RSPO4: variants seen among roughly 807,000 people sequenced by gnomAD.
The protein encoded by RSPO4 is R-spondin-4.
In RSPO4, 23 loss-of-function variants were observed where a neutral mutation model predicts 24.8. The ratio of observed to expected loss-of-function variants is 0.93; its 90% CI spans 0.67 to 1.31. The LOEUF (loss-of-function observed/expected upper bound fraction) is 1.31. Ranked by LOEUF, RSPO4 falls within the 40% of genes most tolerant of loss-of-function variation. The pLI is 0.00. For synonymous variants in RSPO4, 141 were observed against 127.4 expected, an observed-to-expected ratio of 1.11 and a Z score of -0.72; for missense variants, 333 against 316.5, an observed-to-expected ratio of 1.05 and a Z score of -0.39.
intron 1 of RSPO4, among the ~76,000 whole-genome samples, chr20:998,468 T>G (rs1392283368): frequency 6.6e-6 from 1 of 152,238 alleles, no homozygotes; most frequent in Non-Finnish European, 1.5e-5. Context: ...TTCTCAAGTC[T>G]TTTACTTCAT....
At chr20:962,142 C>T (rs1984018669) in intron 4 of RSPO4, among the ~76,000 whole-genome samples, 1 of 152,212 alleles carries the variant, frequency 6.6e-6, no homozygotes, top group African/African-American at 2.4e-5. Flanking sequence ...CCCTTGCCGT[C>T]ACTGGAGATC....
chr20:976,366 G>A (rs1256321161), intron 1 of RSPO4, among the ~76,000 whole-genome samples: 4 of 152,212 alleles, frequency 2.6e-5, no homozygotes, highest in African/African-American at 9.6e-5. Flanking sequence ...CCTCTGGATG[G>A]TGAAGTGCTC....
intron 1 of RSPO4, among the ~76,000 whole-genome samples, chr20:994,206 A>G (rs905808803): frequency 2.0e-5 from 3 of 152,216 alleles, no homozygotes; most frequent in African/African-American, 7.2e-5. Context: ...CTTTGATGCC[A>G]ATGAAAGTTA....
intron 1 of RSPO4, among the ~76,000 whole-genome samples, chr20:982,311 T>C (rs1984762393): frequency 6.6e-6 from 1 of 152,220 alleles, no homozygotes; most frequent in African/African-American, 2.4e-5. Context: ...CTGTCTTGTG[T>C]GTGAAGGTGT....
At chr20:1,001,960 G>C in intron 1 of RSPO4, 126 bp downstream of exon 1, 1 of 736,760 alleles carries the variant, frequency 1.4e-6, no homozygotes, top group South Asian at 1.6e-5. Context: ...GACTCGTCTG[G>C]AGGAGCGAAG....
At chr20:992,267 T>C (rs918840242) in intron 1 of RSPO4, among the ~76,000 whole-genome samples, 16 of 142,612 alleles carry the variant, frequency 1.1e-4, no homozygotes, top group Admixed American at 2.0e-4. Context: ...CACTTTCTTT[T>C]TTTTTTTTTT....
rs6118506 is a variant in RSPO4, at chr20:986,487, A to G, written c.79+15599T>C. On this transcript the variant is annotated intron_variant, in intron 1 of 4. Coordinates refer to ENST00000217260, the MANE Select transcript of RSPO4 (RefSeq NM_001029871.4). Reference sequence around the variant, plus strand: ...AGTGGAGTCAGAAGCTGAGTCAGGCAGTGATGGGGAAGCAGTGATGGGAAA... The same window carrying G: ...AGTGGAGTCAGAAGCTGAGTCAGGCGGTGATGGGGAAGCAGTGATGGGAAA... Among the ~76,000 whole-genome samples, 866 of 152,222 alleles carry G rather than the reference A, an allele frequency of 5.7e-3. 14 individuals carry two copies. The highest frequency in any genetic ancestry group is 0.02 in the African/African-American group (831 of 41,530).
chr20:971,161 A>T (rs1984394049), intron 1 of RSPO4, among the ~76,000 whole-genome samples: 1 of 152,250 alleles, frequency 6.6e-6, no homozygotes, highest in Admixed American at 6.5e-5. Flanking sequence ...TTCTAAATGT[A>T]ACAATTTAGC....
rs759136246 is a variant in RSPO4 at position 964,022 on chromosome 20, C to A, written c.508G>T (p.Ala170Ser). 3 of 1,613,806 alleles carry A rather than the reference C, an allele frequency of 1.9e-6. No individual in the cohort carries two copies. The highest frequency in any genetic ancestry group is 2.2e-5 in the South Asian group (2 of 91,080). ...AWGLESRVRE[A>S]GRAGHEEAAT... ...GCCTCCTCATGCCCAGCCCGGCCAG[C>A]CTCTCGTACCCGGCTCTCCAGGCCC... Residue 170 changes from alanine to serine, a missense_variant, in exon 4 of 5, where the codon GCT becomes TCT. Coordinates refer to ENST00000217260, the MANE Select transcript of RSPO4 (RefSeq NM_001029871.4).
At position 970,154 on chromosome 20, in the gene RSPO4, A is replaced by G. The variant is rs1984362954; in HGVS notation, c.80-2016T>C. Among the ~76,000 whole-genome samples the G allele has an allele frequency of 6.6e-6, 1 of 152,158 alleles. No homozygotes were observed. Among genetic ancestry groups the G allele is most frequent in the African/African-American group, 2.4e-5 (1 of 41,442 alleles). On this transcript the variant is annotated intron_variant, in intron 1 of 4. Coordinates refer to ENST00000217260, the MANE Select transcript of RSPO4 (RefSeq NM_001029871.4). The surrounding 1 kb of genome is among the most constrained non-coding windows in gnomAD (Gnocchi z 4.1). ...GTCAGATACACATTCTGGTGACTCC[A>G]GTCCTGGGAGTGGGACACAAGAGTG...
At position 970,986 on chromosome 20, in the gene RSPO4, G is replaced by A. The variant is rs1247801683; in HGVS notation, c.80-2848C>T. Among the ~76,000 whole-genome samples, 1 of 152,122 alleles carries A rather than the reference G, an allele frequency of 6.6e-6. No individual in the cohort carries two copies. The highest frequency in any genetic ancestry group is 2.4e-5 in the African/African-American group (1 of 41,408). ...GCCTCCTAAGTAGCTGGGACTACAG[G>A]CATGTCCCACCACACCAAGATAATT... On this transcript the variant is annotated intron_variant, in intron 1 of 4. Transcript: ENST00000217260. The surrounding 1 kb of genome is among the most constrained non-coding windows in gnomAD (Gnocchi z 4.1).
chr20:977,011 A>G (rs751110227), intron 1 of RSPO4, among the ~76,000 whole-genome samples: 1 of 152,038 alleles, frequency 6.6e-6, no homozygotes, highest in Admixed American at 6.6e-5. Flanking sequence ...ACCCCTCCCT[A>G]TTGTATTTCA....
intron 1 of RSPO4, among the ~76,000 whole-genome samples, chr20:978,969 G>GA (rs2122235831): frequency 6.6e-6 from 1 of 152,152 alleles, no homozygotes; most frequent in East Asian, 1.9e-4. Context: ...ATCCAAAATG[G>GA]AAACTTTTCA....
chr20:982,871 TGGGA>T (rs1984784560), intron 1 of RSPO4, among the ~76,000 whole-genome samples: 1 of 152,226 alleles, frequency 6.6e-6, no homozygotes, highest in South Asian at 2.1e-4. Flanking sequence ...CGTGGCTCTT[TGGGA>T]GGCTGTGGAA....
intron 1 of RSPO4, among the ~76,000 whole-genome samples, chr20:991,364 A>C (rs1322034680): frequency 6.6e-6 from 1 of 152,182 alleles, no homozygotes; most frequent in East Asian, 1.9e-4. Context: ...CCACACTGAC[A>C]GCATGGTAAG....
At position 968,480 on chromosome 20, in the gene RSPO4, C is replaced by T. The variant is rs1040797595; in HGVS notation, c.80-342G>A. On this transcript the variant is annotated intron_variant, in intron 1 of 4. Transcript: ENST00000217260. ...AGATCATGAGGTGGAAACTATGTCCCGTGAGGCGGTGGAAAAATCAGATAA... is the reference window on the plus strand; with the variant it reads ...AGATCATGAGGTGGAAACTATGTCCTGTGAGGCGGTGGAAAAATCAGATAA... 4.6e-5 allele frequency among the ~76,000 whole-genome samples: 7 copies of T among 152,210 alleles called. No individual in the cohort carries two copies. In the South Asian group the frequency reaches 6.2e-4, roughly 14 times the overall value.
chr20:993,414 A>C (rs1010864158), intron 1 of RSPO4, among the ~76,000 whole-genome samples: 2 of 152,196 alleles, frequency 1.3e-5, no homozygotes, highest in African/African-American at 4.8e-5. Flanking sequence ...GGCTGAGGGC[A>C]AATGTGTCCT....
chr20:982,766 A>G (rs1984779957), intron 1 of RSPO4, among the ~76,000 whole-genome samples: 1 of 152,188 alleles, frequency 6.6e-6, no homozygotes, highest in Admixed American at 6.5e-5. Context: ...CGTGCCCAGC[A>G]ATACTGGGGA....
At chr20:960,747 G>T (rs990799577) in intron 4 of RSPO4, among the ~76,000 whole-genome samples, 4 of 152,244 alleles carry the variant, frequency 2.6e-5, no homozygotes, top group African/African-American at 7.2e-5. Context: ...AGGCCTGCAG[G>T]TTCACCTGGG....
Sources: gnomAD v4.1 joint callset for allele counts (sites outside exome capture counted in the v4.1 genomes callset) on GRCh38, gnomAD v4.1.1 for gene constraint, Gnocchi (gnomAD v3.1) non-coding constraint, MANE v1.5 for transcripts, NCBI Gene and HGNC (gene_info 2026-07-23, HGNC 2026-07-21) for gene names.